NFKB2: variants seen among roughly 807,000 people sequenced by gnomAD.
NFKB2 encodes nuclear factor NF-kappa-B p100 subunit.
Under a neutral mutation model 109.3 loss-of-function variants are expected in NFKB2, and 21 were observed. The observed-to-expected ratio is 0.19, with a 90% CI of 0.14 to 0.28. NFKB2 has a LOEUF of 0.28. NFKB2 is among the 10% of genes least tolerant of loss of function. NFKB2 has a pLI of 1.00. For synonymous variants in NFKB2, 478 were observed against 489.9 expected (o/e 0.98, Z 0.32); for missense variants, 806 against 1,185.3 (o/e 0.68, Z 4.70).
At position 102,402,113 on chromosome 10, in the gene NFKB2, G is replaced by C; in HGVS notation, c.2532G>C (p.Val844=). 1.3e-6 allele frequency: 2 copies of C among 1,579,538 alleles called. No individual in the cohort carries two copies. Among genetic ancestry groups the C allele is most frequent in the Non-Finnish European group, 1.7e-6 (2 of 1,162,300 alleles). ...CTGACATGGGCCTAGAGGAGGGAGT[G>C]AGGCTGCTGAGGGGTCCAGAAACCC... ...ALSDMGLEEG[V]RLLRGPETRD... Residue 844 remains valine (V), a synonymous_variant, in exon 22 of 23, where the codon GTG becomes GTC. Transcript: ENST00000661543.
chr10:102,399,660 C>A lies in NFKB2; in HGVS notation c.1411C>A (p.Arg471Ser). Residue 471 changes from arginine (R) to serine (S), a missense_variant, in exon 14 of 23, where the codon CGC becomes AGC. Physicochemically the swap from Arg to Ser is moderately radical, Grantham distance 110. Transcript: ENST00000661543. Reference sequence around the variant, plus strand: ...CGACTACGGCGTCACCGCGGACGCGCGCGCGCTGCTGGCGGGACAGCGCCA... The same window carrying A: ...CGACTACGGCGTCACCGCGGACGCGAGCGCGCTGCTGGCGGGACAGCGCCA... ...LLDYGVTADA[R>S]ALLAGQRHLL... is the part of the protein sequence containing the mutation. The A allele has an allele frequency of 6.5e-7, 1 of 1,532,544 alleles. No individual in the cohort carries two copies. Among genetic ancestry groups the A allele is most frequent in the Non-Finnish European group, 8.8e-7 (1 of 1,138,344 alleles). The allele number at this position is 1,532,544 out of a possible 1,614,324, so 94.9% of individuals were successfully genotyped here. A position where few individuals can be genotyped will look rare whatever the true frequency, so the allele number is the denominator to read the frequency against.
chr10:102,401,571 C>A lies in NFKB2; in HGVS notation c.2293+53C>A. On this transcript the variant is annotated intron_variant, in intron 20 of 22. Transcript: ENST00000661543. This position sits in a 1 kb window ranked among gnomAD's most constrained non-coding sequence, Gnocchi z 4.2. ...GACTCCTCTGACTCCTCACAGAGGT[C>A]TCTTCTCCTTCAGGACCTCTGAAGG... 6.3e-7 allele frequency: 1 copy of A among 1,586,982 alleles called. No homozygotes were observed.
Position 102,399,595 on chromosome 10 carries a change from G to A in NFKB2, c.1346G>A (p.Arg449His). 1.3e-6 allele frequency: 2 copies of A among 1,549,316 alleles called. No individual in the cohort carries two copies. Among genetic ancestry groups the A allele is most frequent in the Non-Finnish European group, 1.7e-6 (2 of 1,146,982 alleles). ...CCCGTAGCTCGAGAGTACAACGCGC[G>A]CCTGTTCGGCCTGGCGCAGCGCAGC... ...MLQRAREYNA[R>H]LFGLAQRSAR... Residue 449 changes from arginine (R) to histidine (H), a missense_variant, in exon 14 of 23, where the codon CGC (arginine) becomes CAC (histidine). Around this residue, in one of 10 missense-constraint regions of NFKB2, gnomAD observed 209 missense variants for 211.9 expected, o/e 0.99. Coordinates refer to ENST00000661543, the MANE Select transcript of NFKB2 (RefSeq NM_001322934.2).
rs2135430349 is a variant in NFKB2, at chr10:102,397,326, T to C, written c.420T>C (p.His140=). ...TAQFNNLGVL[H]VTKKNMMGTM... ...GATTTAACAACCTGGGTGTCCTGCA[T>C]GTGACTAAGAAGAACATGATGGGGA... Residue 140 remains histidine, a synonymous_variant, in exon 7 of 23, where the codon CAT becomes CAC. Transcript: ENST00000661543. This position sits in a 1 kb window ranked among gnomAD's most constrained non-coding sequence, Gnocchi z 4.7. 1 of 1,614,088 alleles carries C rather than the reference T, an allele frequency of 6.2e-7. No individual in the cohort carries two copies. The highest frequency in any genetic ancestry group is 8.5e-7 in the Non-Finnish European group (1 of 1,179,988).
chr10:102,395,575 G>C (rs534214672), upstream of NFKB2: 1 of 354,138 alleles, frequency 2.8e-6, no homozygotes, highest in Admixed American at 4.3e-5. Flanking sequence ...AAAAGCAGCG[G>C]GAGCCCGTAG....
Position 102,401,421 on chromosome 10 carries a change from G to A in NFKB2, c.2224-28G>A. The A allele has an allele frequency of 6.2e-7, 1 of 1,613,798 alleles. No individual in the cohort carries two copies. On this transcript the variant is annotated intron_variant, in intron 19 of 22. Coordinates refer to ENST00000661543, the MANE Select transcript of NFKB2 (RefSeq NM_001322934.2). This position sits in a 1 kb window ranked among gnomAD's most constrained non-coding sequence, Gnocchi z 4.2. ...CACAGGCTTAAGGACGAGGTGGGAG[G>A]TAGTCAGAACTGCGGCTGTCTCCCC...
rs751170175 is a variant in NFKB2, at chr10:102,399,429, C to T, written c.1259C>T (p.Ala420Val). The T allele has an allele frequency of 6.6e-7, 1 of 1,520,628 alleles. No individual in the cohort carries two copies. The allele number at this position is 1,520,628 out of a possible 1,614,324, so 94.2% of individuals were successfully genotyped here. A position where few individuals can be genotyped will look rare whatever the true frequency, so the allele number is the denominator to read the frequency against. ...TVPSRDSGEE[A>V]AEPSAPSRTP... ...CCCAGCAGGGACTCCGGGGAGGAAG[C>T]CGCGGAGCCAAGCGCCCCCTCCAGG... The change falls in exon 13 of 23, where the codon GCC (alanine) becomes GTC (valine). Residue 420 changes from alanine (A) to valine (V), a missense_variant. Ala to Val is a moderately conservative substitution (Grantham distance 64). Around this residue, in one of 10 missense-constraint regions of NFKB2, gnomAD observed 209 missense variants for 211.9 expected, o/e 0.99. Transcript: ENST00000661543.
At position 102,402,271 on chromosome 10, in the gene NFKB2, T is replaced by C. The variant is rs1350425608; in HGVS notation, c.2598T>C (p.Ser866=). The change falls in exon 23 of 23, where the codon AGT becomes AGC. Residue 866 remains serine, a synonymous_variant. Transcript: ENST00000661543. ...CCCCAGCAGAGGTGAAGGAAGACAG[T>C]GCGTACGGGAGCCAGTCAGTGGAGC... The part of the protein sequence containing the change: ...LPSTAEVKED[S]AYGSQSVEQE... 3.9e-6 allele frequency: 6 copies of C among 1,555,056 alleles called. No individual in the cohort carries two copies. Among genetic ancestry groups the C allele is most frequent in the Middle Eastern group, 1.7e-4 (1 of 6,004 alleles).
chr10:102,398,167 G>A lies in NFKB2; in HGVS notation c.767-45G>A, dbSNP rs373038182. 35 of 1,613,546 alleles carry A rather than the reference G, an allele frequency of 2.2e-5. No homozygotes were observed. The highest frequency in any genetic ancestry group is 2.7e-5 in the Non-Finnish European group (32 of 1,179,606). On this transcript the variant is annotated intron_variant, in intron 9 of 22. Coordinates refer to ENST00000661543, the MANE Select transcript of NFKB2 (RefSeq NM_001322934.2). The surrounding 1 kb of genome is among the most constrained non-coding windows in gnomAD (Gnocchi z 6.6). The stretch of plus-strand genomic sequence containing the variant: ...GGAAGCTCTAGGGTAAATGGCCCCA[G>A]AGATTCCACCGGGAGCTGTGGCCAA...
chr10:102,402,232 CT>C lies in NFKB2; in HGVS notation c.2579-19del. 1 of 1,551,372 alleles carries C rather than the reference CT, an allele frequency of 6.4e-7. No individual in the cohort carries two copies. Among genetic ancestry groups the C allele is most frequent in the East Asian group, 2.4e-5 (1 of 41,134 alleles). ...GCCTGAGGCTTTGACTATCCCATTC[CT>C]GTCCCCATTTACCCCCAGCAGAGGT... On this transcript the variant is annotated intron_variant, in intron 22 of 22. Transcript: ENST00000661543.
At chr10:102,399,242 A>AGAT in intron 12 of NFKB2, 46 bp from the exon 13 acceptor site, 1 of 1,433,140 alleles carries the variant, frequency 7.0e-7, no homozygotes, top group East Asian at 2.5e-5. Flanking sequence ...AATCTGGGAG[A>AGAT]GTCATGGCTG....
rs1438477157 is a variant in NFKB2, at chr10:102,402,274, G to C, written c.2601G>C (p.Ala867=). The C allele has an allele frequency of 3.2e-6, 5 of 1,556,366 alleles. No homozygotes were observed. The East Asian group carries it at 9.6e-5, about 30-fold the overall frequency. The change falls in exon 23 of 23, where the codon GCG becomes GCC. Residue 867 remains alanine (A), a synonymous_variant. Coordinates refer to ENST00000661543, the MANE Select transcript of NFKB2 (RefSeq NM_001322934.2). ...CAGCAGAGGTGAAGGAAGACAGTGC[G>C]TACGGGAGCCAGTCAGTGGAGCAGG... The part of the protein sequence containing the change: ...PSTAEVKEDS[A]YGSQSVEQEA...
rs1025998463 is a variant in NFKB2 at position 102,398,684 on chromosome 10, G to GC, written c.992-51dup. On this transcript the variant is annotated intron_variant, in intron 11 of 22. Coordinates refer to ENST00000661543, the MANE Select transcript of NFKB2 (RefSeq NM_001322934.2). This position sits in a 1 kb window ranked among gnomAD's most constrained non-coding sequence, Gnocchi z 6.6. ...GGCCCTGAGGGCTCTTCTGGGAAGG[G>GC]CCCCTGAGGCATGACACAATAACTG... 75 of 1,611,982 alleles carry GC rather than the reference G, an allele frequency of 4.7e-5. No individual in the cohort carries two copies. The African/African-American group carries it at 8.1e-4, about 17-fold the overall frequency.
Position 102,399,629 on chromosome 10 carries a change from C to G in NFKB2, c.1380C>G (p.Ala460=). 1 of 1,544,382 alleles carries G rather than the reference C, an allele frequency of 6.5e-7. No individual in the cohort carries two copies. Among genetic ancestry groups the G allele is most frequent in the Non-Finnish European group, 8.7e-7 (1 of 1,144,704 alleles). ...GCCTGGCGCAGCGCAGCGCCCGAGC[C>G]CTACTCGACTACGGCGTCACCGCGG... ...LFGLAQRSAR[A]LLDYGVTADA... The change falls in exon 14 of 23, where the codon GCC becomes GCG. Residue 460 remains alanine, a synonymous_variant. Transcript: ENST00000661543.
At position 102,401,747 on chromosome 10, in the gene NFKB2, C is replaced by T; in HGVS notation, c.2296C>T (p.Pro766Ser). Reference sequence around the variant, plus strand: ...GTCTGTATGTGTGTCCCCCTAAGGGCCGGGACTGTCACTTGGTGATACAGC... The same window carrying T: ...GTCTGTATGTGTGTCCCCCTAAGGGTCGGGACTGTCACTTGGTGATACAGC... ...PPLTPPSPAG[P>S]GLSLGDTALQ... Residue 766 changes from proline to serine, a missense_variant and splice_region_variant, in exon 21 of 23, where the codon CCG becomes TCG. Around this residue, in one of 10 missense-constraint regions of NFKB2, gnomAD observed 211 missense variants for 268.7 expected, o/e 0.79. Transcript: ENST00000661543. The surrounding 1 kb of genome is among the most constrained non-coding windows in gnomAD (Gnocchi z 4.2). The T allele has an allele frequency of 6.3e-7, 1 of 1,598,470 alleles. No individual in the cohort carries two copies. The highest frequency in any genetic ancestry group is 8.5e-7 in the Non-Finnish European group (1 of 1,170,916).
Position 102,398,835 on chromosome 10 carries a change from C to T in NFKB2, c.1088C>T (p.Ala363Val). 1 of 1,603,678 alleles carries T rather than the reference C, an allele frequency of 6.2e-7. No individual in the cohort carries two copies. The highest frequency in any genetic ancestry group is 1.7e-5 in the Admixed American group (1 of 58,760). Residue 363 changes from alanine to valine, a missense_variant, in exon 12 of 23, where the codon GCA becomes GTA. Transcript: ENST00000661543. This position sits in a 1 kb window ranked among gnomAD's most constrained non-coding sequence, Gnocchi z 6.6. Reference protein sequence around the residue: ...GSHMGGGSGGAAGGYGGAGGG... With the variant: ...GSHMGGGSGGVAGGYGGAGGG... The stretch of plus-strand genomic sequence containing the variant: ...CACATGGGTGGAGGCTCTGGGGGTG[C>T]AGCCGGGGGCTACGGAGGAGCTGGA...
rs1325616355 is a variant in NFKB2, at chr10:102,400,478, G to T, written c.1785G>T (p.Met595Ile). The change falls in exon 16 of 23, where the codon ATG becomes ATT. Residue 595 changes from methionine to isoleucine, a missense_variant. Met to Ile is a conservative substitution (Grantham distance 10). Around this residue, in one of 10 missense-constraint regions of NFKB2, gnomAD observed 163 missense variants for 207.1 expected, o/e 0.79. Transcript: ENST00000661543. This position sits in a 1 kb window ranked among gnomAD's most constrained non-coding sequence, Gnocchi z 6.3. ...CTGCTGTGCCCCAGCTGTTGCATAT[G>T]CCTGACTTTGAGGGTGAGCTCCCCA... Reference protein sequence around the residue: ...GAPAVPQLLHMPDFEGLYPVH... With the variant: ...GAPAVPQLLHIPDFEGLYPVH... 3 of 1,605,828 alleles carry T rather than the reference G, an allele frequency of 1.9e-6. No homozygotes were observed. The highest frequency in any genetic ancestry group is 2.2e-5 in the South Asian group (2 of 90,326).
In NFKB2 at chr10:102,400,419, G is replaced by C. The variant is rs1306109565; in HGVS notation, c.1726G>C (p.Glu576Gln). 5.0e-6 allele frequency: 8 copies of C among 1,612,988 alleles called. No individual in the cohort carries two copies. The highest frequency in any genetic ancestry group is 1.7e-4 in the Middle Eastern group (1 of 6,058). ...LALRAGAGAP[E>Q]LLRALLQSGA... ...GCTGCGGGCAGGCGCTGGTGCTCCT[G>C]AGCTGCTGCGTGCACTGCTTCAGAG... The change falls in exon 16 of 23, where the codon GAG (glutamate) becomes CAG (glutamine). Residue 576 changes from glutamate to glutamine, a missense_variant. By Grantham distance (29) the Glu-to-Gln change is conservative (BLOSUM62 2). Around this residue, in one of 10 missense-constraint regions of NFKB2, gnomAD observed 163 missense variants for 207.1 expected, o/e 0.79. Transcript: ENST00000661543. This position sits in a 1 kb window ranked among gnomAD's most constrained non-coding sequence, Gnocchi z 6.3.
chr10:102,402,181 G>A (rs1479112768), intron 22 of NFKB2, 22 bp downstream of exon 22: 2 of 1,558,900 alleles, frequency 1.3e-6, no homozygotes, highest in Non-Finnish European at 1.7e-6. Context: ...TCCCTGGAAG[G>A]TGGATCTGGA....
Sources: allele counts gnomAD v4.1 joint callset, GRCh38; gene constraint gnomAD v4.1.1; regional missense constraint gnomAD v4.1.1; non-coding constraint Gnocchi (gnomAD v3.1); transcripts MANE v1.5; gene names NCBI Gene and HGNC (gene_info 2026-07-23, HGNC 2026-07-21).